The following CDC20B variants were observed in gnomAD, a reference collection of about 807,000 sequenced individuals.
The protein encoded by CDC20B is cell division cycle protein 20 homolog B.
A neutral mutation model predicts 64.1 loss-of-function variants in CDC20B; 58 were observed. The ratio of observed to expected loss-of-function variants is 0.90; its 90% CI spans 0.73 to 1.13. CDC20B has a LOEUF of 1.13. Ranked by LOEUF, CDC20B falls within the 50% of genes most tolerant of loss-of-function variation. CDC20B has a pLI of 0.00. For synonymous variants in CDC20B, 243 were observed against 230.6 expected (o/e 1.05, Z -0.49); for missense variants, 597 against 633.0 (o/e 0.94, Z 0.61).
chr5:55,128,684 C>T, intron 6 of CDC20B, 67 bp from the exon 7 acceptor site: 1 of 1,180,918 alleles, frequency 8.5e-7, no homozygotes, highest in East Asian at 2.8e-5. Flanking sequence ...AAATAAACAA[C>T]TTTATAGGTA....
In CDC20B at chr5:55,148,179, C is replaced by A. The variant is rs181786675; in HGVS notation, c.127-1323G>T. On this transcript the variant is annotated intron_variant, in intron 2 of 11. Transcript: ENST00000381375. ...AATTCATAAAAGAGATATATAAATG[C>A]CCAAAAGATATTTAATCTCACTAGC... 2.8e-3 allele frequency among the ~76,000 whole-genome samples: 430 copies of A among 152,210 alleles called. 3 individuals carry two copies. The highest frequency in any genetic ancestry group is 9.8e-3 in the African/African-American group (407 of 41,526).
chr5:55,134,405 C>G (rs928208822), intron 5 of CDC20B, among the ~76,000 whole-genome samples: 1 of 152,076 alleles, frequency 6.6e-6, no homozygotes, highest in South Asian at 2.1e-4. Flanking sequence ...ACTAAAAATA[C>G]TTAGGCTTGC....
chr5:55,142,178 G>A (rs1398804053), intron 4 of CDC20B, among the ~76,000 whole-genome samples: 1 of 152,144 alleles, frequency 6.6e-6, no homozygotes, highest in African/African-American at 2.4e-5. Context: ...GCTCCTGGAA[G>A]ATGAATTCTG....
At chr5:55,169,681 A>T (rs74810060) in intron 2 of CDC20B, among the ~76,000 whole-genome samples, 20,958 of 152,236 alleles carry the variant, frequency 0.14, 1,641 homozygotes, top group East Asian at 0.26. Flanking sequence ...CCCAAAAAAA[A>T]TCCCCAATAT....
chr5:55,133,353 G>T, intron 6 of CDC20B, 59 bp downstream of exon 6: 1 of 801,556 alleles, frequency 1.2e-6, no homozygotes, highest in Non-Finnish European at 2.0e-6. Context: ...GTTTATACCA[G>T]AGCACAGGAT....
At position 55,114,021 on chromosome 5, in the gene CDC20B, AGAG is replaced by A. The variant is rs1742567196; in HGVS notation, c.*194_*196del. 3 of 936,922 alleles carry A rather than the reference AGAG, an allele frequency of 3.2e-6. No homozygotes were observed. The highest frequency in any genetic ancestry group is 4.4e-5 in the South Asian group (2 of 45,026). The allele number at this position is 936,922 out of a possible 1,614,324, so 58.0% of individuals were successfully genotyped here. ...GGAAGAGGGGCAGAAAGAAGAAAGC[AGAG>A]AAGAAAAGAAGCGGATCTCTGGGAA... On this transcript the variant is annotated 3_prime_UTR_variant, in exon 12 of 12. Transcript: ENST00000381375. The surrounding 1 kb of genome is among the most constrained non-coding windows in gnomAD (Gnocchi z 4.1).
chr5:55,127,180 A>T (rs1742913644), intron 8 of CDC20B, 77 bp downstream of exon 8: 2 of 1,287,758 alleles, frequency 1.6e-6, no homozygotes, highest in Non-Finnish European at 1.1e-6. Context: ...TAGGTTTTGA[A>T]TATTACAACT....
At chr5:55,127,454 G>T in intron 7 of CDC20B, 103 bp from the exon 8 acceptor site, 1 of 899,202 alleles carries the variant, frequency 1.1e-6, no homozygotes, top group Non-Finnish European at 1.8e-6. Flanking sequence ...GTTAGTTTTT[G>T]TACTAAGTGA....
chr5:55,171,905 G>C (rs1470733309), intron 2 of CDC20B, among the ~76,000 whole-genome samples: 1 of 152,134 alleles, frequency 6.6e-6, no homozygotes, highest in Non-Finnish European at 1.5e-5. Flanking sequence ...GTGCCTAGTT[G>C]CAAAATTTAT....
At chr5:55,166,593 G>A (rs1034591978) in intron 2 of CDC20B, 2 of 152,214 alleles carry the variant, frequency 1.3e-5, no homozygotes, top group Non-Finnish European at 2.9e-5. Flanking sequence ...ATGCCTCATA[G>A]GAATACCAGC....
intron 2 of CDC20B, 159 bp downstream of exon 2, chr5:55,172,429 T>C: frequency 3.4e-6 from 2 of 590,128 alleles, no homozygotes; most frequent in Non-Finnish European, 6.0e-6. Context: ...GTCTGGGATC[T>C]TCAGTTTCAT....
chr5:55,149,921 G>A (rs1743614101), intron 2 of CDC20B, among the ~76,000 whole-genome samples: 2 of 152,216 alleles, frequency 1.3e-5, no homozygotes, highest in East Asian at 1.9e-4. Context: ...ATCACCTGAG[G>A]TCAGGAGTTC....
intron 10 of CDC20B, 47 bp from the exon 11 acceptor site, chr5:55,119,965 T>C (rs780572610): frequency 1.5e-6 from 2 of 1,370,732 alleles, no homozygotes; most frequent in East Asian, 2.3e-5. Context: ...TTCTGATTCC[T>C]TATGAATATA....
intron 2 of CDC20B, 115 bp from the exon 3 acceptor site, chr5:55,146,971 T>C: frequency 2.2e-6 from 1 of 461,950 alleles, no homozygotes; most frequent in Non-Finnish European, 3.6e-6. Flanking sequence ...AAAATATATA[T>C]AATGAGATTT....
At chr5:55,119,974 T>C in intron 10 of CDC20B, 56 bp from the exon 11 acceptor site, 2 of 1,282,912 alleles carry the variant, frequency 1.6e-6, no homozygotes, top group East Asian at 2.3e-5. Flanking sequence ...CTTATGAATA[T>C]AGTTAAACTG....
chr5:55,168,146 A>C (rs1744475042), intron 2 of CDC20B, among the ~76,000 whole-genome samples: 1 of 151,260 alleles, frequency 6.6e-6, no homozygotes, highest in African/African-American at 2.4e-5. Context: ...AATCCACCAC[A>C]CTCCTTCCCA....
intron 2 of CDC20B, among the ~76,000 whole-genome samples, chr5:55,156,618 G>A (rs1054714536): frequency 1.4e-4 from 21 of 152,084 alleles, no homozygotes; most frequent in African/African-American, 5.1e-4. Flanking sequence ...GCTCATGCCT[G>A]TAATCCCAGC....
intron 9 of CDC20B, among the ~76,000 whole-genome samples, chr5:55,123,640 T>C (rs185241116): frequency 6.6e-6 from 1 of 152,298 alleles, no homozygotes; most frequent in Non-Finnish European, 1.5e-5. Flanking sequence ...TCTCTCTTAG[T>C]GAAAAGGACT....
intron 6 of CDC20B, among the ~76,000 whole-genome samples, chr5:55,132,870 C>T (rs1477856553): frequency 1.3e-5 from 2 of 152,204 alleles, no homozygotes; most frequent in Non-Finnish European, 2.9e-5. Flanking sequence ...CTCCTCTATA[C>T]CTTTCCAAGT....
Sources: gnomAD v4.1 joint callset for allele counts (sites outside exome capture counted in the v4.1 genomes callset) on GRCh38, gnomAD v4.1.1 for gene constraint, Gnocchi (gnomAD v3.1) non-coding constraint, MANE v1.5 for transcripts, NCBI Gene and HGNC (gene_info 2026-07-23, HGNC 2026-07-21) for gene names.